TBC1D1: variants seen among roughly 807,000 people sequenced by gnomAD.
TBC1D1 encodes TBC1 domain family member 1, also known as TBC1 (tre-2/USP6, BUB2, cdc16) domain family, member 1.
A neutral mutation model predicts 125.6 loss-of-function variants in TBC1D1; 89 were observed. The observed-to-expected ratio is 0.71, with a 90% CI of 0.60 to 0.85. TBC1D1 has a LOEUF of 0.85. Among genes scored for constraint, TBC1D1 ranks in the 40% least tolerant of loss-of-function variants. The pLI is 0.00. For missense variants in TBC1D1, 1,377 were observed against 1,469.2 expected (o/e 0.94, Z 1.03); for synonymous variants, 565 against 564.1 (o/e 1.00, Z -0.02).
chr4:38,003,225 C>T (rs1431181928), intron 2 of TBC1D1, among the ~76,000 whole-genome samples: 1 of 152,038 alleles, frequency 6.6e-6, no homozygotes, highest in Non-Finnish European at 1.5e-5. Flanking sequence ...CTTTTGATAC[C>T]ACTCACAGAC....
intron 2 of TBC1D1, among the ~76,000 whole-genome samples, chr4:37,934,167 G>C (rs1337958427): frequency 6.6e-6 from 1 of 152,216 alleles, no homozygotes; most frequent in Non-Finnish European, 1.5e-5. Flanking sequence ...CTGAGGCTAG[G>C]GAATGTGGAG....
chr4:38,060,913 G>A (rs1324553332), intron 12 of TBC1D1, among the ~76,000 whole-genome samples: 1 of 152,116 alleles, frequency 6.6e-6, no homozygotes, highest in East Asian at 1.9e-4. Context: ...AACAACCGTG[G>A]GAAATCCAGT....
chr4:37,957,537 T>G (rs770842553), intron 2 of TBC1D1, among the ~76,000 whole-genome samples: 5 of 152,192 alleles, frequency 3.3e-5, no homozygotes, highest in Non-Finnish European at 7.4e-5. Flanking sequence ...GAGGATTGCC[T>G]GAGCCTAAGA....
intron 2 of TBC1D1, among the ~76,000 whole-genome samples, chr4:37,970,442 T>A (rs138103922): frequency 2.0e-5 from 3 of 152,326 alleles, no homozygotes; most frequent in African/African-American, 7.2e-5. Context: ...CCAGAGAACG[T>A]TAATCTTCTA....
rs1227445214 is a variant in TBC1D1, at chr4:37,902,311, A to G, written c.216A>G (p.Gly72=). Reference sequence around the variant, plus strand: ...TCCGGCTTTGCGTTTCACCCTCTGGACTGAGATGTGAACCTGAGCCAGGGA... The same window carrying G: ...TCCGGCTTTGCGTTTCACCCTCTGGGCTGAGATGTGAACCTGAGCCAGGGA... Residue 72 remains glycine (G), a synonymous_variant, in exon 2 of 20, where the codon GGA becomes GGG. Transcript: ENST00000261439. The G allele has an allele frequency of 6.2e-7, 1 of 1,614,124 alleles. No individual in the cohort carries two copies. The highest frequency in any genetic ancestry group is 8.5e-7 in the Non-Finnish European group (1 of 1,180,036).
At chr4:37,956,832 G>A (rs1388791920) in intron 2 of TBC1D1, among the ~76,000 whole-genome samples, 2 of 151,892 alleles carry the variant, frequency 1.3e-5, no homozygotes, top group African/African-American at 4.8e-5. Flanking sequence ...CCAGTTACTT[G>A]GGAGGCTGAG....
chr4:38,084,874 C>T (rs1209188884), intron 12 of TBC1D1, among the ~76,000 whole-genome samples: 2 of 152,142 alleles, frequency 1.3e-5, no homozygotes, highest in African/African-American at 2.4e-5. Flanking sequence ...CTCTTTCTTA[C>T]AGGGCACTTA....
At chr4:38,023,043 C>A (rs776846243) in intron 6 of TBC1D1, among the ~76,000 whole-genome samples, 6 of 151,824 alleles carry the variant, frequency 4.0e-5, no homozygotes, top group African/African-American at 7.3e-5. Flanking sequence ...ATGGTGAAAC[C>A]CTGTCTCTAC....
intron 2 of TBC1D1, among the ~76,000 whole-genome samples, chr4:37,929,263 T>G (rs895456495): frequency 1.3e-5 from 2 of 152,232 alleles, no homozygotes; most frequent in South Asian, 4.1e-4. Context: ...AGGTGATTTA[T>G]AAGTATATAT....
chr4:37,935,452 C>T lies in TBC1D1; in HGVS notation c.417+32940C>T, dbSNP rs553255799. 8.5e-5 allele frequency among the ~76,000 whole-genome samples: 13 copies of T among 152,290 alleles called. 1 individual carries two copies. The South Asian group carries it at 2.5e-3, about 29-fold the overall frequency. On this transcript the variant is annotated intron_variant, in intron 2 of 19. Transcript: ENST00000261439. ...GGAGTCGTCTTTGACTTTTTGCTCT[C>T]CTTCATCATCCCAGATCCAGCTATC... is the stretch of plus-strand genomic sequence containing the variant.
At chr4:38,053,443 A>G (rs57714453) in intron 11 of TBC1D1, among the ~76,000 whole-genome samples, 24,771 of 152,192 alleles carry the variant, frequency 0.16, 2,196 homozygotes, top group Non-Finnish European at 0.18. Flanking sequence ...TTTAAGTGTT[A>G]TCTTAAGAAA....
chr4:38,107,434 A>G (rs1761507806), intron 15 of TBC1D1, among the ~76,000 whole-genome samples: 1 of 152,186 alleles, frequency 6.6e-6, no homozygotes. Context: ...AATCAAATCC[A>G]TATTTCAGTT....
At chr4:38,121,858 T>C (rs1763906231) in intron 17 of TBC1D1, among the ~76,000 whole-genome samples, 1 of 152,206 alleles carries the variant, frequency 6.6e-6, no homozygotes, top group Non-Finnish European at 1.5e-5. Flanking sequence ...TAAAAAAATT[T>C]CCAAAGCCAA....
chr4:38,062,651 T>C (rs1752983776), intron 12 of TBC1D1, among the ~76,000 whole-genome samples: 1 of 130,714 alleles, frequency 7.7e-6, no homozygotes, highest in Admixed American at 8.5e-5. Flanking sequence ...CCCATTGTGC[T>C]TCTTGGCTTG....
chr4:37,892,475 A>G (rs1713558164), intron 1 of TBC1D1, among the ~76,000 whole-genome samples: 1 of 152,182 alleles, frequency 6.6e-6, no homozygotes, highest in East Asian at 1.9e-4. Context: ...GCATTCTAAC[A>G]CTATTGAGTG....
chr4:38,062,255 GAA>G (rs1044600124), intron 12 of TBC1D1, among the ~76,000 whole-genome samples: 1 of 151,806 alleles, frequency 6.6e-6, no homozygotes, highest in East Asian at 1.9e-4. Flanking sequence ...TCCAATCCCG[GAA>G]AAGTGTGCTT....
chr4:37,935,604 A>C (rs148617049), intron 2 of TBC1D1, among the ~76,000 whole-genome samples: 3 of 152,246 alleles, frequency 2.0e-5, no homozygotes, highest in Non-Finnish European at 4.4e-5. Context: ...AATAACTTCC[A>C]TGCCTCCATC....
At chr4:38,126,229 A>ATGGTATTCTAATCT (rs1421474430) in intron 18 of TBC1D1, among the ~76,000 whole-genome samples, 1 of 152,256 alleles carries the variant, frequency 6.6e-6, no homozygotes, top group Non-Finnish European at 1.5e-5. Flanking sequence ...CAATAAAAAT[A>ATGGTATTCTAATCT]TGGTATTCTA....
At chr4:37,985,349 C>T (rs1735232573) in intron 2 of TBC1D1, among the ~76,000 whole-genome samples, 1 of 152,158 alleles carries the variant, frequency 6.6e-6, no homozygotes. Context: ...GAGTGGTGAA[C>T]AAGTACTCTG....
Sources: gnomAD v4.1 joint callset for allele counts (sites outside exome capture counted in the v4.1 genomes callset) on GRCh38, gnomAD v4.1.1 for gene constraint, MANE v1.5 for transcripts, NCBI Gene and HGNC (gene_info 2026-07-23, HGNC 2026-07-21) for gene names.